DRC11: variants seen among roughly 807,000 people sequenced by gnomAD.
DRC11 encodes IQ and AAA domain-containing protein 1.
the DRC11 span, among the ~76,000 whole-genome samples, chr2:236,455,660 G>C: frequency 2.6e-5 from 4 of 152,188 alleles, no homozygotes; most frequent in Admixed American, 1.3e-4. The surrounding 1 kb of genome is among the most constrained non-coding windows in gnomAD (Gnocchi z 5.7). Flanking sequence ...GAATCTGGAG[G>C]TCTCCCCAGG....
chr2:236,496,897 C>T, the DRC11 span, among the ~76,000 whole-genome samples: 1 of 152,122 alleles, frequency 6.6e-6, no homozygotes, highest in Non-Finnish European at 1.5e-5. This position sits in a 1 kb window ranked among gnomAD's most constrained non-coding sequence, Gnocchi z 6.3. Flanking sequence ...CAGCCCTGGG[C>T]AGACACTACG....
At chr2:236,418,657 T>C in the DRC11 span, among the ~76,000 whole-genome samples, 1 of 152,230 alleles carries the variant, frequency 6.6e-6, no homozygotes, top group African/African-American at 2.4e-5. Flanking sequence ...GGGCCCAATG[T>C]GACACTGTGT....
chr2:236,380,644 A>G, the DRC11 span: 1 of 1,542,930 alleles, frequency 6.5e-7, no homozygotes. This position sits in a 1 kb window ranked among gnomAD's most constrained non-coding sequence, Gnocchi z 4.9. Flanking sequence ...CTTCTTTGGA[A>G]AAAAAGGAAA....
At chr2:236,498,082 G>GA in the DRC11 span, among the ~76,000 whole-genome samples, 1 of 152,120 alleles carries the variant, frequency 6.6e-6, no homozygotes, top group Non-Finnish European at 1.5e-5. Flanking sequence ...ACACAGCAGT[G>GA]AAAAATGAAT....
At chr2:236,421,470 TA>T in the DRC11 span, among the ~76,000 whole-genome samples, 27,605 of 152,042 alleles carry the variant, frequency 0.18, 2,865 homozygotes, top group Middle Eastern at 0.28. Flanking sequence ...AAGAAATGGA[TA>T]AATTCCTCGA....
the DRC11 span, among the ~76,000 whole-genome samples, chr2:236,355,737 CTCTCTCTCTCTCTG>C: frequency 6.8e-5 from 10 of 146,750 alleles, no homozygotes; most frequent in Non-Finnish European, 1.4e-4. Context: ...CTCTCTCTCT[CTCTCTCTCTCTCTG>C]TGTGTGTGTG....
the DRC11 span, among the ~76,000 whole-genome samples, chr2:236,319,904 A>C: frequency 6.6e-6 from 1 of 152,150 alleles, no homozygotes; most frequent in Admixed American, 6.5e-5. This position sits in a 1 kb window ranked among gnomAD's most constrained non-coding sequence, Gnocchi z 6.7. Context: ...CCTCTTCCTC[A>C]TGTTCATCGC....
At chr2:236,416,414 C>T in the DRC11 span, among the ~76,000 whole-genome samples, 6 of 151,870 alleles carry the variant, frequency 4.0e-5, no homozygotes, top group Non-Finnish European at 7.4e-5. Flanking sequence ...GAGCCAGGTG[C>T]TTGAGTGCCT....
At chr2:236,453,552 C>T in the DRC11 span, among the ~76,000 whole-genome samples, 4 of 152,204 alleles carry the variant, frequency 2.6e-5, no homozygotes, top group Admixed American at 2.6e-4. This position sits in a 1 kb window ranked among gnomAD's most constrained non-coding sequence, Gnocchi z 4.9. Context: ...GAATATGACT[C>T]CCAAGTCCTC....
At chr2:236,358,222 T>C in the DRC11 span, among the ~76,000 whole-genome samples, 19 of 129,498 alleles carry the variant, frequency 1.5e-4, no homozygotes, top group South Asian at 2.9e-3. Context: ...ATATATTATA[T>C]ACTGTATGAA....
chr2:236,311,697 CGTGTGTGTGTGTGTGT>C, the DRC11 span, among the ~76,000 whole-genome samples: 30 of 138,798 alleles, frequency 2.2e-4, no homozygotes, highest in South Asian at 2.8e-3. This position sits in a 1 kb window ranked among gnomAD's most constrained non-coding sequence, Gnocchi z 6.9. Flanking sequence ...GGATGGGGTG[CGTGTGTGTGTGTGTGT>C]GTGTGTGTGT....
At chr2:236,343,251 G>T in the DRC11 span, among the ~76,000 whole-genome samples, 6 of 152,234 alleles carry the variant, frequency 3.9e-5, no homozygotes, top group South Asian at 1.2e-3. The surrounding 1 kb of genome is among the most constrained non-coding windows in gnomAD (Gnocchi z 6.6). Context: ...TCCTTCCCCA[G>T]TGCTCCTCTG....
the DRC11 span, among the ~76,000 whole-genome samples, chr2:236,363,148 C>T: frequency 6.6e-6 from 1 of 152,172 alleles, no homozygotes; most frequent in Non-Finnish European, 1.5e-5. This position sits in a 1 kb window ranked among gnomAD's most constrained non-coding sequence, Gnocchi z 5.6. Flanking sequence ...TGGAGGTTCT[C>T]AACCAAGTAG....
At chr2:236,450,314 C>CTTT in the DRC11 span, among the ~76,000 whole-genome samples, 118 of 82,368 alleles carry the variant, frequency 1.4e-3, no homozygotes, top group East Asian at 2.2e-3. Context: ...CTTTTCTTTT[C>CTTT]TTTTTTTTTT....
chr2:236,316,616 C>T, the DRC11 span, among the ~76,000 whole-genome samples: 5 of 152,118 alleles, frequency 3.3e-5, no homozygotes, highest in Admixed American at 6.5e-5. The surrounding 1 kb of genome is among the most constrained non-coding windows in gnomAD (Gnocchi z 6.8). Context: ...ACCAACTCAG[C>T]GGGTTTTATT....
the DRC11 span, among the ~76,000 whole-genome samples, chr2:236,498,649 G>T: frequency 6.6e-6 from 1 of 152,040 alleles, no homozygotes; most frequent in Non-Finnish European, 1.5e-5. Context: ...ACAAAGGCTG[G>T]GTGTGCCCTT....
At chr2:236,341,328 A>G in the DRC11 span, among the ~76,000 whole-genome samples, 1 of 152,086 alleles carries the variant, frequency 6.6e-6, no homozygotes, top group South Asian at 2.1e-4. Context: ...GACTGAGCGC[A>G]CTCGAGGCGC....
chr2:236,395,316 T>C, the DRC11 span, among the ~76,000 whole-genome samples: 1 of 152,214 alleles, frequency 6.6e-6, no homozygotes, highest in Admixed American at 6.5e-5. Flanking sequence ...CTGGGAAGCC[T>C]GGGCTGAACA....
the DRC11 span, among the ~76,000 whole-genome samples, chr2:236,450,465 G>A: frequency 6.6e-6 from 1 of 151,630 alleles, no homozygotes. Flanking sequence ...GACTACAGGT[G>A]TGCACCACCA....
Sources: gnomAD v4.1 joint callset for allele counts (sites outside exome capture counted in the v4.1 genomes callset) on GRCh38, gnomAD v4.1.1 for gene constraint, Gnocchi (gnomAD v3.1) non-coding constraint, MANE v1.5 for transcripts, NCBI Gene and HGNC (gene_info 2026-07-23, HGNC 2026-07-21) for gene names.